BRD10: variants seen among roughly 807,000 people sequenced by gnomAD.
The protein encoded by BRD10 is uncharacterized bromodomain-containing protein 10.
chr9:5,917,141 G>T, the BRD10 span, among the ~76,000 whole-genome samples: 1 of 152,076 alleles, frequency 6.6e-6, no homozygotes, highest in African/African-American at 2.4e-5. Context: ...TAATGATGAT[G>T]ATTGATAAGG....
chr9:5,914,613 C>T, the BRD10 span, among the ~76,000 whole-genome samples: 17 of 151,644 alleles, frequency 1.1e-4, no homozygotes, highest in East Asian at 1.4e-3. Flanking sequence ...TTAGTAGAGA[C>T]GGGGTTTCAC....
At chr9:5,919,968 G>C in the BRD10 span, 24 of 1,613,888 alleles carry the variant, frequency 1.5e-5, no homozygotes, top group Non-Finnish European at 1.8e-5. Context: ...AGAGTAGCTG[G>C]AGACTTAATT....
chr9:5,880,091 T>G, the BRD10 span, among the ~76,000 whole-genome samples: 1 of 151,976 alleles, frequency 6.6e-6, no homozygotes, highest in Non-Finnish European at 1.5e-5. Context: ...AGCTAACTTT[T>G]TTTATTTTTA....
the BRD10 span, chr9:6,007,864 C>G: frequency 4.4e-6 from 6 of 1,375,362 alleles, no homozygotes; most frequent in Admixed American, 2.2e-4. Context: ...GAGCCGCTTC[C>G]TCACGGCTCG....
At chr9:5,985,225 T>G in the BRD10 span, among the ~76,000 whole-genome samples, 7 of 152,172 alleles carry the variant, frequency 4.6e-5, no homozygotes, top group Non-Finnish European at 8.8e-5. Context: ...GTAAAGTTTT[T>G]CCTTACTTCA....
the BRD10 span, among the ~76,000 whole-genome samples, chr9:5,961,698 T>C: frequency 2.6e-5 from 4 of 152,188 alleles, no homozygotes; most frequent in African/African-American, 7.2e-5. Flanking sequence ...ATTTATTCTA[T>C]AATGTTTCCA....
the BRD10 span, among the ~76,000 whole-genome samples, chr9:5,998,797 A>G: frequency 7.9e-5 from 12 of 152,050 alleles, no homozygotes; most frequent in Admixed American, 1.3e-4. Context: ...CTATCAATCA[A>G]ATTTCCTAGC....
chr9:5,992,815 A>G, the BRD10 span, among the ~76,000 whole-genome samples: 9 of 152,162 alleles, frequency 5.9e-5, no homozygotes, highest in East Asian at 5.8e-4. Flanking sequence ...AATTATTACA[A>G]TAAGTCTTAA....
At chr9:5,916,572 T>TATAACATATATA in the BRD10 span, among the ~76,000 whole-genome samples, 8 of 150,036 alleles carry the variant, frequency 5.3e-5, no homozygotes, top group African/African-American at 2.0e-4. Context: ...AAAACATATA[T>TATAACATATATA]AAAACATATA....
chr9:5,915,829 G>C, the BRD10 span, among the ~76,000 whole-genome samples: 2 of 152,154 alleles, frequency 1.3e-5, no homozygotes, highest in African/African-American at 4.8e-5. Flanking sequence ...TGGTTCTCAA[G>C]AAGTGCGTAG....
At chr9:5,938,181 T>G in the BRD10 span, among the ~76,000 whole-genome samples, 1 of 152,162 alleles carries the variant, frequency 6.6e-6, no homozygotes, top group African/African-American at 2.4e-5. Context: ...TAATTAAAAA[T>G]AAAAATTTTA....
chr9:5,944,005 A>T, the BRD10 span, among the ~76,000 whole-genome samples: 1 of 152,168 alleles, frequency 6.6e-6, no homozygotes, highest in East Asian at 1.9e-4. Context: ...GACTAACACA[A>T]ATCTGCCGAT....
chr9:5,997,320 A>G, the BRD10 span, among the ~76,000 whole-genome samples: 1 of 152,142 alleles, frequency 6.6e-6, no homozygotes. Flanking sequence ...AGTGATTTTT[A>G]TTGTTTTCTT....
chr9:5,900,112 G>C, the BRD10 span, among the ~76,000 whole-genome samples: 2 of 152,066 alleles, frequency 1.3e-5, no homozygotes, highest in Non-Finnish European at 2.9e-5. Flanking sequence ...ATAATTATTA[G>C]TTTGATCCTA....
At chr9:6,007,931 G>A in the BRD10 span, 2 of 1,331,608 alleles carry the variant, frequency 1.5e-6, no homozygotes, top group East Asian at 3.1e-5. Context: ...CGCCGGCTCG[G>A]CTCGGTGCGC....
the BRD10 span, among the ~76,000 whole-genome samples, chr9:5,971,482 C>T: frequency 4.6e-5 from 7 of 152,106 alleles, no homozygotes; most frequent in Admixed American, 6.6e-5. Context: ...CTGACACTGG[C>T]TATTTTTCTA....
chr9:6,005,579 C>G, the BRD10 span, among the ~76,000 whole-genome samples: 2 of 152,342 alleles, frequency 1.3e-5, no homozygotes, highest in East Asian at 3.9e-4. Flanking sequence ...CATATGCTAT[C>G]TCTTAGCACT....
chr9:5,959,351 G>A, the BRD10 span, among the ~76,000 whole-genome samples: 2 of 152,072 alleles, frequency 1.3e-5, no homozygotes, highest in Non-Finnish European at 2.9e-5. Context: ...CTAGCTGTGT[G>A]ACTTTGGACA....
the BRD10 span, among the ~76,000 whole-genome samples, chr9:5,923,851 C>A: frequency 1.3e-5 from 2 of 152,026 alleles, no homozygotes; most frequent in Non-Finnish European, 2.9e-5. Context: ...CTTAATTTGC[C>A]AAAGATGGAA....
Sources: gnomAD v4.1 joint callset for allele counts (sites outside exome capture counted in the v4.1 genomes callset) on GRCh38, gnomAD v4.1.1 for gene constraint, MANE v1.5 for transcripts, NCBI Gene and HGNC (gene_info 2026-07-23, HGNC 2026-07-21) for gene names.